The following ARHGAP8 variants were observed in gnomAD, a reference collection of about 807,000 sequenced individuals.
ARHGAP8 encodes rho GTPase-activating protein 8.
A neutral mutation model predicts 46.1 loss-of-function variants in ARHGAP8; 62 were observed. The observed-to-expected ratio is 1.34, with a 90% CI of 1.10 to 1.66. The LOEUF is 1.66. ARHGAP8 is among the 40% of genes most tolerant of loss of function. The probability of loss-of-function intolerance (pLI) is 0.00; values close to 1 mark genes in which losing one functional copy is unlikely to be tolerated. For synonymous variants in ARHGAP8, 375 were observed against 243.1 expected, an observed-to-expected ratio of 1.54 and a Z score of -5.05; for missense variants, 923 against 568.4, an observed-to-expected ratio of 1.62 and a Z score of -6.34.
chr22:44,771,159 G>A (rs919894965), intron 1 of ARHGAP8, among the ~76,000 whole-genome samples: 2 of 151,468 alleles, frequency 1.3e-5, no homozygotes, highest in Non-Finnish European at 2.9e-5. Context: ...CCAAAACTTT[G>A]CTAATTTTGT....
intron 7 of ARHGAP8, among the ~76,000 whole-genome samples, chr22:44,832,662 T>C (rs1450686167): frequency 1.3e-5 from 2 of 152,218 alleles, no homozygotes; most frequent in African/African-American, 4.8e-5. Flanking sequence ...GTGTGGATTT[T>C]TTAGAATTTT....
At chr22:44,849,207 G>C in intron 10 of ARHGAP8, 147 bp downstream of exon 10, 1 of 1,435,388 alleles carries the variant, frequency 7.0e-7, no homozygotes, top group Non-Finnish European at 9.4e-7. Flanking sequence ...GGGCAAGAGA[G>C]GGGGTTGTTG....
At chr22:44,827,437 G>A (rs1263782887) in intron 7 of ARHGAP8, among the ~76,000 whole-genome samples, 1 of 129,298 alleles carries the variant, frequency 7.7e-6, no homozygotes, top group African/African-American at 2.8e-5. Flanking sequence ...CCGCTCCCCA[G>A]GTTCAAGCAA....
intron 2 of ARHGAP8, among the ~76,000 whole-genome samples, chr22:44,791,774 G>A (rs551772008): frequency 2.0e-5 from 3 of 152,220 alleles, no homozygotes; most frequent in East Asian, 1.9e-4. Flanking sequence ...CCATATGAGG[G>A]CCTCAGCCAT....
At chr22:44,753,900 A>C (rs771016793) in intron 1 of ARHGAP8, among the ~76,000 whole-genome samples, 76 of 152,248 alleles carry the variant, frequency 5.0e-4, no homozygotes, top group Non-Finnish European at 1.8e-4. Context: ...CTTAAGACTC[A>C]GCCGTTTCAG....
intron 1 of ARHGAP8, among the ~76,000 whole-genome samples, chr22:44,785,885 G>A (rs1039868290): frequency 3.3e-5 from 5 of 152,156 alleles, no homozygotes; most frequent in Admixed American, 6.5e-5. Context: ...GCTTCCTGCT[G>A]GCTGCCAGTG....
chr22:44,772,809 C>CTTTTT (rs5845668), intron 1 of ARHGAP8, among the ~76,000 whole-genome samples: 1 of 113,006 alleles, frequency 8.8e-6, no homozygotes, highest in Non-Finnish European at 1.7e-5. Context: ...CTCTCTCCCA[C>CTTTTT]TTTTTTTTTT....
At chr22:44,858,323 A>G (rs6007336) in intron 10 of ARHGAP8, among the ~76,000 whole-genome samples, 23,426 of 151,124 alleles carry the variant, frequency 0.16, 2,337 homozygotes, top group African/African-American at 0.29. Flanking sequence ...ATGTTCACAC[A>G]TGCACCCGCA....
Position 44,775,532 on chromosome 22 carries a change from C to G in ARHGAP8, c.-71-10925C>G, listed in dbSNP as rs1418197743. On this transcript the variant is annotated intron_variant, in intron 1 of 11. Transcript: ENST00000356099. ...GCACAGTCTTGGCTCACTGCAACCTCTGCCTCCCGGGTTCAAGCGATTCTC... is the reference window on the plus strand; with the variant it reads ...GCACAGTCTTGGCTCACTGCAACCTGTGCCTCCCGGGTTCAAGCGATTCTC... Among the ~76,000 whole-genome samples the G allele has an allele frequency of 7.9e-5, 12 of 152,204 alleles. No individual in the cohort carries two copies. In the South Asian group the frequency reaches 2.3e-3, roughly 29 times the overall value.
intron 1 of ARHGAP8, among the ~76,000 whole-genome samples, chr22:44,780,416 C>G (rs1398838470): frequency 6.6e-6 from 1 of 151,902 alleles, no homozygotes; most frequent in African/African-American, 2.4e-5. Flanking sequence ...ATCCCTGCAC[C>G]TTGGGATGCC....
chr22:44,847,953 T>C lies in ARHGAP8; in HGVS notation c.671-20T>C. 1 of 1,605,540 alleles carries C rather than the reference T, an allele frequency of 6.2e-7. No individual in the cohort carries two copies. The highest frequency in any genetic ancestry group is 8.5e-7 in the Non-Finnish European group (1 of 1,179,562). ...TTTGGGCTGGGACCTGTGAGATGCC[T>C]GGAAGCTCCTCTCCTGCAGGCCTGC... On this transcript the variant is annotated intron_variant, in intron 8 of 11. Coordinates refer to ENST00000356099, the MANE Select transcript of ARHGAP8 (RefSeq NM_181335.3).
chr22:44,787,919 CT>C (rs1194920444), intron 2 of ARHGAP8, among the ~76,000 whole-genome samples: 2,144 of 89,062 alleles, frequency 0.024, 50 homozygotes, highest in African/African-American at 0.054. Context: ...CCCAAATGTC[CT>C]TTTTTTTTTT....
intron 7 of ARHGAP8, among the ~76,000 whole-genome samples, chr22:44,840,014 C>T (rs967331469): frequency 6.6e-6 from 1 of 152,182 alleles, no homozygotes; most frequent in African/African-American, 2.4e-5. Flanking sequence ...TGCACCTGCC[C>T]GCAGTGTCCC....
At position 44,859,683 on chromosome 22, in the gene ARHGAP8, T is replaced by A. The variant is rs2070369597; in HGVS notation, c.878-48T>A. ...CTCCTCCCGGGCCGGGATGCAGCGC[T>A]GCCCCTGGCCCCTCTGGAGCTCAGC... On this transcript the variant is annotated intron_variant, in intron 10 of 11. Coordinates refer to ENST00000356099, the MANE Select transcript of ARHGAP8 (RefSeq NM_181335.3). The A allele has an allele frequency of 2.5e-6, 4 of 1,600,622 alleles. No individual in the cohort carries two copies. In the South Asian group the frequency reaches 4.4e-5, roughly 18 times the overall value.
intron 1 of ARHGAP8, among the ~76,000 whole-genome samples, chr22:44,783,150 A>G (rs1162659581): frequency 2.0e-5 from 3 of 147,214 alleles, no homozygotes; most frequent in African/African-American, 7.5e-5. Flanking sequence ...CCACGTTGGC[A>G]GGGCTGGTCT....
chr22:44,822,434 A>G lies in ARHGAP8; in HGVS notation c.450A>G (p.Lys150=). ...TGAGTGAGCTCCACGAACACCTTAA[A>G]TACGACCAGCTGGTCATCCCTCCCG... ...NYLSELHEHL[K]YDQLVIPPEV... The change falls in exon 6 of 12, where the codon AAA becomes AAG. Residue 150 remains lysine, a synonymous_variant. Transcript: ENST00000356099. 1 of 1,568,460 alleles carries G rather than the reference A, an allele frequency of 6.4e-7. No individual in the cohort carries two copies. Among genetic ancestry groups the G allele is most frequent in the South Asian group, 1.2e-5 (1 of 81,932 alleles).
intron 1 of ARHGAP8, among the ~76,000 whole-genome samples, chr22:44,774,197 G>A (rs1231403188): frequency 6.6e-6 from 1 of 152,136 alleles, no homozygotes; most frequent in Non-Finnish European, 1.5e-5. Flanking sequence ...ACACCAGGCT[G>A]GTTTTCAACA....
At chr22:44,808,121 CTT>C (rs1029030885) in intron 3 of ARHGAP8, among the ~76,000 whole-genome samples, 184 bp from the exon 4 acceptor site, 4 of 152,234 alleles carry the variant, frequency 2.6e-5, no homozygotes, top group Non-Finnish European at 5.9e-5. Context: ...AGATAAGTCA[CTT>C]AACGTCTCTG....
chr22:44,860,367 C>T (rs906541160), intron 11 of ARHGAP8, among the ~76,000 whole-genome samples: 6 of 152,062 alleles, frequency 3.9e-5, no homozygotes, highest in African/African-American at 7.3e-5. Flanking sequence ...AGGGAAGGTT[C>T]CCCTTCCTGG....
Sources: allele counts gnomAD v4.1 joint callset (sites outside exome capture counted in the v4.1 genomes callset), GRCh38; gene constraint gnomAD v4.1.1; transcripts MANE v1.5; gene names NCBI Gene and HGNC (gene_info 2026-07-23, HGNC 2026-07-21).